The following TBX20 variants were observed in gnomAD, a reference collection of about 807,000 sequenced individuals.
TBX20 encodes T-box transcription factor TBX20.
A neutral mutation model predicts 42.9 loss-of-function variants in TBX20; 8 were observed. That is an observed-to-expected ratio of 0.19 (90% CI 0.11 to 0.34). TBX20 has a LOEUF of 0.34. TBX20 is among the 10% of genes least tolerant of loss of function. The pLI is 1.00. For synonymous variants in TBX20, 198 were observed against 222.8 expected (o/e 0.89, Z 0.99); for missense variants, 411 against 566.0 (o/e 0.73, Z 2.78).
chr7:35,220,177 G>T (rs1789656315), intron 6 of TBX20, among the ~76,000 whole-genome samples: 1 of 152,172 alleles, frequency 6.6e-6, no homozygotes, highest in Non-Finnish European at 1.5e-5. Context: ...GATACCCGGG[G>T]TGGAAATAAA....
intron 6 of TBX20, among the ~76,000 whole-genome samples, chr7:35,211,685 A>T (rs1584341451): frequency 6.6e-6 from 1 of 152,170 alleles, no homozygotes; most frequent in Admixed American, 6.5e-5. Flanking sequence ...TTTTCAATTT[A>T]TGATGGGTTT....
intron 5 of TBX20, among the ~76,000 whole-genome samples, chr7:35,233,794 T>C (rs185832999): frequency 1.3e-5 from 2 of 152,354 alleles, no homozygotes; most frequent in East Asian, 3.9e-4. Flanking sequence ...TGCAGTACTT[T>C]ATAGTTCATT....
chr7:35,213,097 G>A (rs1194069403), intron 6 of TBX20, among the ~76,000 whole-genome samples: 1 of 152,080 alleles, frequency 6.6e-6, no homozygotes, highest in Non-Finnish European at 1.5e-5. Flanking sequence ...CATCATCACA[G>A]GGCTCACCTC....
intron 6 of TBX20, among the ~76,000 whole-genome samples, chr7:35,225,166 C>T (rs1284975940): frequency 6.6e-6 from 1 of 152,146 alleles, no homozygotes; most frequent in Non-Finnish European, 1.5e-5. Context: ...CAGGAATCAA[C>T]AGCTTTTTGC....
At chr7:35,248,280 C>T (rs967755608) in intron 3 of TBX20, among the ~76,000 whole-genome samples, 4 of 152,098 alleles carry the variant, frequency 2.6e-5, no homozygotes, top group African/African-American at 9.7e-5. Flanking sequence ...TACTAAAATA[C>T]ACTCTTCTAA....
Position 35,202,455 on chromosome 7 carries a change from G to C in TBX20, c.1319C>G (p.Ser440Cys), listed in dbSNP as rs2128709386. ...TCATACAAATGGCGTCATCACAGCA[G>C]AGGAATGGCGTAGTCCTTGAATGGC... ...YAAIQGLRHSSAVMTPFV is the reference protein window; with the variant it reads ...YAAIQGLRHSCAVMTPFV The change falls in exon 8 of 8, where the codon TCT (serine) becomes TGT (cysteine). Residue 440 changes from serine (S) to cysteine (C), a missense_variant. Ser to Cys is a moderately radical substitution (Grantham distance 112). Coordinates refer to ENST00000408931, the MANE Select transcript of TBX20 (RefSeq NM_001077653.2). 1 of 1,585,772 alleles carries C rather than the reference G, an allele frequency of 6.3e-7. No homozygotes were observed. Among genetic ancestry groups the C allele is most frequent in the East Asian group, 2.3e-5 (1 of 42,958 alleles).
At chr7:35,219,918 A>C (rs1252863171) in intron 6 of TBX20, among the ~76,000 whole-genome samples, 2 of 152,228 alleles carry the variant, frequency 1.3e-5, no homozygotes, top group Admixed American at 6.5e-5. Context: ...CATGTGTTTG[A>C]AAGTTTTATT....
chr7:35,211,467 C>T (rs1206756734), intron 6 of TBX20, among the ~76,000 whole-genome samples: 1 of 151,948 alleles, frequency 6.6e-6, no homozygotes, highest in Non-Finnish European at 1.5e-5. Flanking sequence ...CTTTATTTTG[C>T]TTTTGTTTTT....
intron 6 of TBX20, among the ~76,000 whole-genome samples, chr7:35,206,079 C>T (rs879324282): frequency 6.6e-6 from 1 of 152,176 alleles, no homozygotes; most frequent in East Asian, 1.9e-4. Flanking sequence ...GTTCCAGTTT[C>T]CAGAACAAGA....
rs527965752 is a variant in TBX20, at chr7:35,209,316, G to C, written c.891-4734C>G. Among the ~76,000 whole-genome samples the C allele has an allele frequency of 2.0e-5, 3 of 152,210 alleles. No homozygotes were observed. In the South Asian group the frequency reaches 6.2e-4, roughly 32 times the overall value. ...TCACCAGTGAAACCATCTGGACCTA[G>C]AGTTTTCTTTATAAAAGTTTTTTAA... On this transcript the variant is annotated intron_variant, in intron 6 of 7. Transcript: ENST00000408931.
At chr7:35,228,524 C>G (rs555937677) in intron 6 of TBX20, among the ~76,000 whole-genome samples, 1 of 152,066 alleles carries the variant, frequency 6.6e-6, no homozygotes, top group South Asian at 2.1e-4. Flanking sequence ...GCAATGCACA[C>G]AAACTCTTTT....
At chr7:35,203,107 T>C (rs186869538) in intron 7 of TBX20, among the ~76,000 whole-genome samples, 120 of 152,318 alleles carry the variant, frequency 7.9e-4, no homozygotes, top group African/African-American at 2.6e-3. Context: ...ATATCTGTTC[T>C]GACCTCTGTA....
Position 35,253,527 on chromosome 7 carries a change from TCTC to T in TBX20, c.91_93del (p.Glu31del). ...TTGATTGTGTTCTCCGTCGCCTCCT[TCTC>T]CTTAGAGCCGCCGCTCGACATGAGC... On this transcript the variant is annotated inframe_deletion, in exon 1 of 8. Transcript: ENST00000408931. 1 of 1,612,518 alleles carries T rather than the reference TCTC, an allele frequency of 6.2e-7. No individual in the cohort carries two copies. The highest frequency in any genetic ancestry group is 8.5e-7 in the Non-Finnish European group (1 of 1,179,828).
chr7:35,203,642 G>T (rs1207920), intron 7 of TBX20, among the ~76,000 whole-genome samples: 1 of 152,042 alleles, frequency 6.6e-6, no homozygotes, highest in Non-Finnish European at 1.5e-5. Context: ...CTGATCAACA[G>T]TAGGCTATTA....
chr7:35,241,352 T>C (rs751329045), intron 4 of TBX20, among the ~76,000 whole-genome samples: 2 of 152,266 alleles, frequency 1.3e-5, no homozygotes, highest in Non-Finnish European at 2.9e-5. Flanking sequence ...TAAATACTTT[T>C]GGTTTGCTAG....
chr7:35,241,831 A>G (rs1489441288), intron 4 of TBX20, among the ~76,000 whole-genome samples: 2 of 152,204 alleles, frequency 1.3e-5, no homozygotes, highest in Non-Finnish European at 2.9e-5. Flanking sequence ...TATTTTTCAT[A>G]TATCTTTTAA....
Position 35,253,756 on chromosome 7 carries a change from G to A in TBX20, c.-136C>T. The A allele has an allele frequency of 8.7e-7, 1 of 1,152,900 alleles. No homozygotes were observed. The highest frequency in any genetic ancestry group is 1.5e-5 in the South Asian group (1 of 66,476). 71.4% of individuals were successfully genotyped at this position (1,152,900 alleles called of 1,614,324 possible). On this transcript the variant is annotated 5_prime_UTR_variant, in exon 1 of 8. Coordinates refer to ENST00000408931, the MANE Select transcript of TBX20 (RefSeq NM_001077653.2). The stretch of plus-strand genomic sequence containing the variant: ...CAGCGGGGCCAGGGACTCCAGAAGT[G>A]TCAGCTCCAACGACTCCAGAGCTGC...
At chr7:35,214,498 G>T (rs1789548460) in intron 6 of TBX20, among the ~76,000 whole-genome samples, 1 of 152,118 alleles carries the variant, frequency 6.6e-6, no homozygotes, top group African/African-American at 2.4e-5. Flanking sequence ...TATATTCAAA[G>T]CAAAAGTTAA....
intron 3 of TBX20, among the ~76,000 whole-genome samples, chr7:35,245,989 C>T (rs1584357804): frequency 6.6e-6 from 1 of 152,284 alleles, no homozygotes; most frequent in African/African-American, 2.4e-5. Flanking sequence ...AGGTTATTTA[C>T]ACCTAAATTT....
Sources: allele counts gnomAD v4.1 joint callset (sites outside exome capture counted in the v4.1 genomes callset), GRCh38; gene constraint gnomAD v4.1.1; transcripts MANE v1.5; gene names NCBI Gene and HGNC (gene_info 2026-07-23, HGNC 2026-07-21).